NRXN1: variants seen among roughly 807,000 people sequenced by gnomAD.
The protein encoded by NRXN1 is neurexin 1.
In NRXN1, 39 loss-of-function variants were observed where a neutral mutation model predicts 150.9. That is an observed-to-expected ratio of 0.26 (90% CI 0.20 to 0.34). NRXN1 has a LOEUF of 0.34. Ranked by LOEUF, NRXN1 falls within the 10% of genes least tolerant of loss-of-function variation. The pLI is 1.00. For synonymous variants in NRXN1, 924 were observed against 757.0 expected (o/e 1.22, Z -3.62); for missense variants, 1,815 against 1,949.9 (o/e 0.93, Z 1.30).
intron 16 of NRXN1, among the ~76,000 whole-genome samples, chr2:50,470,494 A>C (rs954283002): frequency 6.6e-6 from 1 of 151,860 alleles, no homozygotes; most frequent in African/African-American, 2.4e-5. Context: ...CATTTCATGG[A>C]AACACATGCT....
At chr2:50,918,014 G>A (rs1402050767) in intron 5 of NRXN1, 1 of 151,550 alleles carries the variant, frequency 6.6e-6, no homozygotes, top group African/African-American at 2.4e-5. Context: ...TCATCAATTA[G>A]TTCAGGTGGA....
intron 5 of NRXN1, among the ~76,000 whole-genome samples, chr2:50,910,763 C>T (rs1684402599): frequency 6.6e-6 from 1 of 151,768 alleles, no homozygotes; most frequent in African/African-American, 2.4e-5. Flanking sequence ...GGTAGGAGTG[C>T]CAGTGTGCGC....
intron 17 of NRXN1, among the ~76,000 whole-genome samples, chr2:50,326,144 C>T (rs2076370466): frequency 6.6e-6 from 1 of 151,818 alleles, no homozygotes; most frequent in African/African-American, 2.4e-5. Flanking sequence ...GCTGATTTTT[C>T]ATATTTTAAA....
At chr2:50,243,318 A>C (rs2152888634) in intron 17 of NRXN1, among the ~76,000 whole-genome samples, 1 of 151,926 alleles carries the variant, frequency 6.6e-6, no homozygotes, top group African/African-American at 2.4e-5. Flanking sequence ...AAAACACAAT[A>C]AATAAATTTG....
At chr2:49,927,937 G>A (rs962493315) in intron 22 of NRXN1, among the ~76,000 whole-genome samples, 1 of 151,940 alleles carries the variant, frequency 6.6e-6, no homozygotes, top group Non-Finnish European at 1.5e-5. Flanking sequence ...TTTTCGGGCT[G>A]GTTTTATTTC....
At chr2:50,548,439 A>C in intron 9 of NRXN1, among the ~76,000 whole-genome samples, 1 of 151,780 alleles carries the variant, frequency 6.6e-6, no homozygotes, top group East Asian at 1.9e-4. Context: ...AAAGTAATGT[A>C]ATTTAAATAA....
intron 5 of NRXN1, among the ~76,000 whole-genome samples, chr2:50,815,780 G>A (rs560039748): frequency 1.3e-5 from 2 of 152,174 alleles, no homozygotes; most frequent in African/African-American, 4.8e-5. Context: ...TTATTTTCAC[G>A]CTATTTTATC....
At chr2:50,323,580 T>A (rs1391770361) in intron 17 of NRXN1, among the ~76,000 whole-genome samples, 1 of 150,980 alleles carries the variant, frequency 6.6e-6, no homozygotes, top group Non-Finnish European at 1.5e-5. Context: ...ACTATATATA[T>A]ATATATATAT....
chr2:51,026,498 T>G, intron 2 of NRXN1: 1 of 1,491,958 alleles, frequency 6.7e-7, no homozygotes, highest in Non-Finnish European at 9.2e-7. Context: ...AACTTAGGTA[T>G]GACTTTTGTA....
intron 5 of NRXN1, among the ~76,000 whole-genome samples, chr2:50,892,120 C>T (rs1374470420): frequency 6.6e-6 from 1 of 152,078 alleles, no homozygotes; most frequent in Non-Finnish European, 1.5e-5. Context: ...TGGAGACAGA[C>T]TTCTTTGAGA....
chr2:50,747,481 C>T (rs991163187), intron 5 of NRXN1, among the ~76,000 whole-genome samples: 1 of 152,078 alleles, frequency 6.6e-6, no homozygotes, highest in Admixed American at 6.6e-5. Context: ...ATATGTTAGA[C>T]TCTTGAAGGT....
At chr2:50,075,604 G>T (rs949659431) in intron 19 of NRXN1, among the ~76,000 whole-genome samples, 19 of 152,126 alleles carry the variant, frequency 1.2e-4, no homozygotes, top group Non-Finnish European at 2.9e-5. Context: ...AAATATCTTG[G>T]TTTGTTCCTA....
At chr2:50,626,196 ACAAT>A (rs1681006600) in intron 5 of NRXN1, among the ~76,000 whole-genome samples, 1 of 152,000 alleles carries the variant, frequency 6.6e-6, no homozygotes, top group South Asian at 2.1e-4. Flanking sequence ...TGTACTAGAG[ACAAT>A]CAATGTTTCA....
In NRXN1 at chr2:50,577,456, G is replaced by T. The variant is rs1671608709; in HGVS notation, c.1321-24431C>A. Among the ~76,000 whole-genome samples the T allele has an allele frequency of 2.0e-5, 3 of 151,474 alleles. No individual in the cohort carries two copies. The South Asian group carries it at 6.2e-4, about 31-fold the overall frequency. On this transcript the variant is annotated intron_variant, in intron 8 of 22. Coordinates refer to ENST00000401669, the MANE Select transcript of NRXN1 (RefSeq NM_001330078.2). ...TGATTTCCCGCAGTATCACTGCACG[G>T]CAGCATTCCATATTTTAGTTCCTAA...
chr2:50,397,208 A>G (rs1417069996), intron 17 of NRXN1, among the ~76,000 whole-genome samples: 1 of 152,046 alleles, frequency 6.6e-6, no homozygotes, highest in Non-Finnish European at 1.5e-5. Flanking sequence ...TTTGTAGTTA[A>G]CACCGCAAAG....
chr2:50,194,125 G>A (rs993648486), intron 18 of NRXN1, among the ~76,000 whole-genome samples: 1 of 152,122 alleles, frequency 6.6e-6, no homozygotes, highest in Admixed American at 6.5e-5. Context: ...CAGGTGGTCT[G>A]GTTCTGATTA....
chr2:50,989,369 T>C (rs979366698), intron 2 of NRXN1, among the ~76,000 whole-genome samples: 3 of 151,902 alleles, frequency 2.0e-5, no homozygotes, highest in African/African-American at 7.2e-5. Context: ...CCCTTATAAG[T>C]GGGTAATTAT....
At chr2:50,054,880 T>C (rs1439108221) in intron 20 of NRXN1, 75 bp downstream of exon 20, 1 of 908,314 alleles carries the variant, frequency 1.1e-6, no homozygotes, top group Non-Finnish European at 1.6e-6. Context: ...TTATGTTTAT[T>C]AGTGTTACAA....
At chr2:50,795,839 A>AT (rs200849274) in intron 5 of NRXN1, among the ~76,000 whole-genome samples, 71 of 149,124 alleles carry the variant, frequency 4.8e-4, no homozygotes, top group Admixed American at 1.2e-3. Flanking sequence ...TGTTACATGC[A>AT]TTTTTTTTTT....
Sources: gnomAD v4.1 joint callset for allele counts (sites outside exome capture counted in the v4.1 genomes callset) on GRCh38, gnomAD v4.1.1 for gene constraint, MANE v1.5 for transcripts, NCBI Gene and HGNC (gene_info 2026-07-23, HGNC 2026-07-21) for gene names.